KAT6B: variants seen among roughly 807,000 people sequenced by gnomAD.
KAT6B encodes the protein lysine acetyltransferase 6B, also known as histone acetyltransferase KAT6B.
Under a neutral mutation model 187.5 loss-of-function variants are expected in KAT6B, and 10 were observed. The ratio of observed to expected loss-of-function variants is 0.05; its 90% confidence interval spans 0.03 to 0.09. KAT6B has a LOEUF of 0.09. Among genes scored for constraint, KAT6B ranks in the 10% least tolerant of loss-of-function variants. KAT6B has a pLI of 1.00. For synonymous variants in KAT6B, 861 were observed against 926.8 expected (o/e 0.93, Z 1.29); for missense variants, 1,952 against 2,558.9 (o/e 0.76, Z 5.12).
At chr10:74,923,524 G>GT (rs1302505441) in intron 3 of KAT6B, among the ~76,000 whole-genome samples, 1 of 152,178 alleles carries the variant, frequency 6.6e-6, no homozygotes, top group African/African-American at 2.4e-5. Flanking sequence ...TTTTTAAATA[G>GT]TTTGATGAGG....
At chr10:74,967,425 T>C (rs1259732908) in intron 4 of KAT6B, among the ~76,000 whole-genome samples, 2 of 152,242 alleles carry the variant, frequency 1.3e-5, no homozygotes, top group Non-Finnish European at 2.9e-5. Context: ...TAGCATTGCT[T>C]TCCTTTATCT....
At position 74,935,298 on chromosome 10, in the gene KAT6B, C is replaced by A. The variant is rs72803429; in HGVS notation, c.622-24672C>A. On this transcript the variant is annotated intron_variant, in intron 3 of 17. Coordinates refer to ENST00000287239, the MANE Select transcript of KAT6B (RefSeq NM_012330.4). Reference sequence around the variant, plus strand: ...ACACACACATATATATATATACACACATCTGTGTACTCATATATAGCTACA... The same window carrying A: ...ACACACACATATATATATATACACAAATCTGTGTACTCATATATAGCTACA... Among the ~76,000 whole-genome samples, 1,430 of 152,038 alleles carry A rather than the reference C, an allele frequency of 9.4e-3. 6 individuals are homozygous for A. Among genetic ancestry groups the A allele is most frequent in the Middle Eastern group, 0.02 (6 of 294 alleles).
At chr10:74,877,503 A>G (rs1318501008) in intron 3 of KAT6B, among the ~76,000 whole-genome samples, 2 of 152,212 alleles carry the variant, frequency 1.3e-5, no homozygotes, top group Non-Finnish European at 2.9e-5. Context: ...TGCTGCAGAA[A>G]GTGACTGCTT....
At chr10:74,825,929 G>C (rs930550448), upstream of KAT6B, among the ~76,000 whole-genome samples, 44 of 151,602 alleles carry the variant, frequency 2.9e-4, no homozygotes, top group African/African-American at 1.0e-3. This position sits in a 1 kb window ranked among gnomAD's most constrained non-coding sequence, Gnocchi z 5.0. Context: ...GGACGGGACG[G>C]GAGAGAGGGT....
At position 74,976,320 on chromosome 10, in the gene KAT6B, T is replaced by A. The variant is rs1799427750; in HGVS notation, c.1983T>A (p.Asp661Glu). ...TGACAGACGGAAGGATTAAACCTGA[T>A]CAGGATGATGGTAAGCAAAAGGTCA... ...GSLTDGRIKP[D>E]QDDDTEIKIN... The change falls in exon 8 of 18, where the codon GAT (aspartate) becomes GAA (glutamate). Residue 661 changes from aspartate to glutamate, a missense_variant. By Grantham distance (45) the Asp-to-Glu change is conservative. Around this residue, in one of 9 missense-constraint regions of KAT6B, gnomAD observed 417 missense variants for 508.9 expected, o/e 0.82. Transcript: ENST00000287239. 2.5e-6 allele frequency: 4 copies of A among 1,612,918 alleles called. No homozygotes were observed. Among genetic ancestry groups the A allele is most frequent in the Non-Finnish European group, 3.4e-6 (4 of 1,179,924 alleles).
chr10:74,914,081 G>A (rs1298832525), intron 3 of KAT6B, among the ~76,000 whole-genome samples: 2 of 152,190 alleles, frequency 1.3e-5, no homozygotes, highest in South Asian at 2.1e-4. Context: ...AGCTACTTGG[G>A]AGGCTGAGGT....
chr10:74,956,276 A>G (rs367888620), intron 3 of KAT6B, among the ~76,000 whole-genome samples: 1 of 152,168 alleles, frequency 6.6e-6, no homozygotes, highest in Non-Finnish European at 1.5e-5. Context: ...CAAGAATACT[A>G]TATAGGTGGT....
rs747788158 is a variant in KAT6B at position 75,030,862 on chromosome 10, T to C, written c.6038T>C (p.Met2013Thr). 3 of 1,614,184 alleles carry C rather than the reference T, an allele frequency of 1.9e-6. No homozygotes were observed. Among genetic ancestry groups the C allele is most frequent in the Non-Finnish European group, 2.5e-6 (3 of 1,180,040 alleles). Reference protein sequence around the residue: ...NSGYHSNHGYMNQTPQYPMQM... With the variant: ...NSGYHSNHGYTNQTPQYPMQM... The stretch of plus-strand genomic sequence containing the variant: ...GGCTACCACAGCAATCATGGCTATA[T>C]GAATCAAACGCCCCAATACCCTATG... Residue 2013 changes from methionine (M) to threonine (T), a missense_variant, in exon 18 of 18, where the codon ATG becomes ACG. Around this residue, in one of 9 missense-constraint regions of KAT6B, gnomAD observed 358 missense variants for 436.3 expected, o/e 0.82. Coordinates refer to ENST00000287239, the MANE Select transcript of KAT6B (RefSeq NM_012330.4). The surrounding 1 kb of genome is among the most constrained non-coding windows in gnomAD (Gnocchi z 4.8).
chr10:74,879,096 A>C lies in KAT6B; in HGVS notation c.621+35618A>C, dbSNP rs138538568. Among the ~76,000 whole-genome samples the C allele has an allele frequency of 5.7e-3, 864 of 152,306 alleles. 6 individuals are homozygous for C. Among genetic ancestry groups the C allele is most frequent in the Non-Finnish European group, 0.01 (682 of 68,020 alleles). ...GTGGCAGGTAGTCTGGGATGTCAAG[A>C]AAGTAGCTTCCCAGTCTCTTTGGTT... On this transcript the variant is annotated intron_variant, in intron 3 of 17. Transcript: ENST00000287239.
intron 3 of KAT6B, among the ~76,000 whole-genome samples, chr10:74,891,173 A>G (rs1009045194): frequency 1.3e-5 from 2 of 152,210 alleles, no homozygotes; most frequent in Non-Finnish European, 2.9e-5. Context: ...ATTCCTGGCA[A>G]TTCCTGACAG....
intron 13 of KAT6B, among the ~76,000 whole-genome samples, chr10:75,005,778 C>CT (rs1844163251): frequency 1.3e-5 from 2 of 151,908 alleles, no homozygotes; most frequent in Non-Finnish European, 2.9e-5. Context: ...ATATAAAAAC[C>CT]TTTTTTGTAA....
intron 14 of KAT6B, 84 bp downstream of exon 14, chr10:75,020,897 G>C (rs1327196101): frequency 2.6e-6 from 3 of 1,174,300 alleles, no homozygotes; most frequent in Middle Eastern, 2.3e-4. Flanking sequence ...ATTCATTCCA[G>C]TTAAAGACTG....
rs71024526 is a variant in KAT6B, at chr10:74,845,521, C to CA, written c.621+2060dup. ...TGGGTGACAGAGCGAGACTCTGTCT[C>CA]AAAAAAAAAAAAAAAAACAAAAAAA... is the stretch of plus-strand genomic sequence containing the variant. On this transcript the variant is annotated intron_variant, in intron 3 of 17. Coordinates refer to ENST00000287239, the MANE Select transcript of KAT6B (RefSeq NM_012330.4). 9.7e-3 allele frequency among the ~76,000 whole-genome samples: 619 copies of CA among 63,802 alleles called. 5 individuals carry two copies. Among genetic ancestry groups the CA allele is most frequent in the South Asian group, 0.016 (34 of 2,156 alleles). The allele number at this position is 63,802 out of a possible 152,430, so 41.9% of individuals were successfully genotyped here.
chr10:74,847,626 TG>T (rs1366338454), intron 3 of KAT6B, among the ~76,000 whole-genome samples: 10 of 151,904 alleles, frequency 6.6e-5, no homozygotes, highest in African/African-American at 2.4e-4. Flanking sequence ...ATTGCGCCAT[TG>T]CATTCCAGCC....
At chr10:75,007,526 T>A (rs1335307048) in intron 13 of KAT6B, among the ~76,000 whole-genome samples, 1 of 151,998 alleles carries the variant, frequency 6.6e-6, no homozygotes, top group Non-Finnish European at 1.5e-5. Context: ...TATAAAAAAA[T>A]GCAAGAGATT....
At chr10:74,892,396 C>G (rs1188397370) in intron 3 of KAT6B, among the ~76,000 whole-genome samples, 1 of 152,150 alleles carries the variant, frequency 6.6e-6, no homozygotes, top group African/African-American at 2.4e-5. Context: ...TTAGTAGTGG[C>G]ACTAGAGTTA....
At chr10:74,968,045 A>ATT (rs910919149) in intron 4 of KAT6B, among the ~76,000 whole-genome samples, 3 of 152,170 alleles carry the variant, frequency 2.0e-5, no homozygotes, top group Non-Finnish European at 4.4e-5. Context: ...TGGAATTTAA[A>ATT]TTGCTGTTCT....
At chr10:74,885,230 G>C (rs1845151382) in intron 3 of KAT6B, among the ~76,000 whole-genome samples, 1 of 151,388 alleles carries the variant, frequency 6.6e-6, no homozygotes, top group Non-Finnish European at 1.5e-5. Flanking sequence ...ACCATACCTG[G>C]CTAATTAAAA....
At chr10:75,027,365 C>T (rs1405774696) in intron 17 of KAT6B, among the ~76,000 whole-genome samples, 5 of 152,164 alleles carry the variant, frequency 3.3e-5, no homozygotes, top group Non-Finnish European at 7.3e-5. Flanking sequence ...AGTGCTTACT[C>T]TGCTGTCCAC....
Sources: allele counts gnomAD v4.1 joint callset (sites outside exome capture counted in the v4.1 genomes callset), GRCh38; gene constraint gnomAD v4.1.1; regional missense constraint gnomAD v4.1.1; non-coding constraint Gnocchi (gnomAD v3.1); transcripts MANE v1.5; gene names NCBI Gene and HGNC (gene_info 2026-07-23, HGNC 2026-07-21).